TNNI3K: variants seen among roughly 807,000 people sequenced by gnomAD.
TNNI3K encodes serine/threonine-protein kinase TNNI3K.
In TNNI3K, 140 loss-of-function variants were observed where a neutral mutation model predicts 114.5. The observed-to-expected ratio is 1.22, with a 90% CI of 1.07 to 1.41. The LOEUF is 1.41. TNNI3K is among the 40% of genes most tolerant of loss of function. The pLI, the probability that TNNI3K is intolerant of heterozygous loss-of-function variation, is 0.00. For missense variants in TNNI3K, 1,125 were observed against 1,007.6 expected, an observed-to-expected ratio of 1.12 and a Z score of -1.58; for synonymous variants, 347 against 347.5, an observed-to-expected ratio of 1.00 and a Z score of 0.02.
chr1:74,303,861 T>G (rs1176343285), intron 5 of TNNI3K, among the ~76,000 whole-genome samples: 1 of 152,050 alleles, frequency 6.6e-6, no homozygotes, highest in Non-Finnish European at 1.5e-5. Flanking sequence ...TTGGCAGAAG[T>G]TGATTCCAGC....
chr1:74,248,435 C>T (rs1654725116), intron 2 of TNNI3K, among the ~76,000 whole-genome samples: 2 of 152,116 alleles, frequency 1.3e-5, no homozygotes, highest in Admixed American at 1.3e-4. Context: ...CGAGAGCGAG[C>T]GAGGGCTGCT....
chr1:74,414,986 A>T (rs1294993788), intron 17 of TNNI3K, among the ~76,000 whole-genome samples: 1 of 152,202 alleles, frequency 6.6e-6, no homozygotes, highest in African/African-American at 2.4e-5. Context: ...AATCATTTGC[A>T]ATGTAAGTCA....
intron 21 of TNNI3K, among the ~76,000 whole-genome samples, chr1:74,486,662 T>A (rs527252532): frequency 2.0e-5 from 3 of 151,890 alleles, no homozygotes; most frequent in Non-Finnish European, 2.9e-5. Context: ...TTTAAAGACA[T>A]AAGACTGAAT....
intron 5 of TNNI3K, among the ~76,000 whole-genome samples, chr1:74,310,414 A>G (rs577869044): frequency 6.6e-6 from 1 of 152,342 alleles, no homozygotes; most frequent in East Asian, 1.9e-4. Flanking sequence ...CTGCAGATTC[A>G]GTGCAATTCC....
At chr1:74,471,818 C>G (rs1667946509) in intron 21 of TNNI3K, 2 of 430,638 alleles carry the variant, frequency 4.6e-6, no homozygotes, top group African/African-American at 2.0e-5. Context: ...TGGATTTGCT[C>G]TTTCTCAGGC....
At chr1:74,534,377 T>A (rs1035136434) in intron 23 of TNNI3K, among the ~76,000 whole-genome samples, 1 of 152,210 alleles carries the variant, frequency 6.6e-6, no homozygotes, top group African/African-American at 2.4e-5. Context: ...TGGAATGCAA[T>A]TCAGTCAGAA....
intron 5 of TNNI3K, among the ~76,000 whole-genome samples, chr1:74,310,497 C>G (rs1658924447): frequency 6.6e-6 from 1 of 151,968 alleles, no homozygotes; most frequent in South Asian, 2.1e-4. Context: ...CAAAAAATAC[C>G]CTGAATAGCC....
At chr1:74,464,003 A>AGTTGACAGTATTATGATGTG (rs1553149308) in intron 21 of TNNI3K, among the ~76,000 whole-genome samples, 1 of 152,240 alleles carries the variant, frequency 6.6e-6, no homozygotes, top group Non-Finnish European at 1.5e-5. Context: ...TAACTTTCTG[A>AGTTGACAGTATTATGATGTG]GTTGACAGTA....
At chr1:74,331,397 A>C in intron 5 of TNNI3K, 53 bp from the exon 6 acceptor site, 1 of 1,568,150 alleles carries the variant, frequency 6.4e-7, no homozygotes, top group Non-Finnish European at 8.7e-7. Context: ...ACTGAATCTT[A>C]ATAGGCAGAT....
At chr1:74,501,199 T>A (rs1445356003) in intron 23 of TNNI3K, among the ~76,000 whole-genome samples, 3 of 152,216 alleles carry the variant, frequency 2.0e-5, no homozygotes, top group Admixed American at 2.0e-4. Flanking sequence ...TTCTGGGTAA[T>A]TTTTTCAGAT....
chr1:74,518,751 C>T (rs1646384878), intron 23 of TNNI3K, among the ~76,000 whole-genome samples: 1 of 151,774 alleles, frequency 6.6e-6, no homozygotes, highest in Non-Finnish European at 1.5e-5. Context: ...AATTTATTTC[C>T]ATAAGTAAAG....
chr1:74,480,748 G>A (rs1668451881), intron 21 of TNNI3K: 1 of 717,518 alleles, frequency 1.4e-6, no homozygotes, highest in African/African-American at 1.7e-5. Context: ...GAAGCTTGCT[G>A]AAGGTGTGAT....
At chr1:74,364,232 T>G (rs1405130354) in intron 11 of TNNI3K, among the ~76,000 whole-genome samples, 1 of 151,758 alleles carries the variant, frequency 6.6e-6, no homozygotes, top group African/African-American at 2.4e-5. Flanking sequence ...CTTCAACTCC[T>G]GGCCTCAAAC....
intron 17 of TNNI3K, among the ~76,000 whole-genome samples, chr1:74,387,081 A>T (rs1009699515): frequency 6.6e-6 from 1 of 152,186 alleles, no homozygotes; most frequent in African/African-American, 2.4e-5. Context: ...TACATTTAAC[A>T]GATAGTTTTT....
At chr1:74,356,493 A>T (rs1298238719) in intron 11 of TNNI3K, among the ~76,000 whole-genome samples, 1 of 152,196 alleles carries the variant, frequency 6.6e-6, no homozygotes, top group Non-Finnish European at 1.5e-5. Flanking sequence ...GCCTTACTAA[A>T]TTCTACCTCC....
chr1:74,363,234 G>T (rs548352317), intron 11 of TNNI3K, among the ~76,000 whole-genome samples: 3 of 151,964 alleles, frequency 2.0e-5, no homozygotes, highest in Non-Finnish European at 4.4e-5. Context: ...GTGGGTTTTG[G>T]GTTTCTTTCC....
intron 20 of TNNI3K, among the ~76,000 whole-genome samples, chr1:74,450,407 G>A (rs1189656008): frequency 6.6e-6 from 1 of 152,046 alleles, no homozygotes; most frequent in Non-Finnish European, 1.5e-5. Flanking sequence ...ACTAAAATCA[G>A]AGCAGAACTA....
intron 17 of TNNI3K, among the ~76,000 whole-genome samples, chr1:74,400,152 T>A (rs1209661508): frequency 1.3e-5 from 2 of 152,202 alleles, no homozygotes; most frequent in East Asian, 3.9e-4. Context: ...CCATAAACAA[T>A]CCAGCTACTC....
intron 20 of TNNI3K, among the ~76,000 whole-genome samples, chr1:74,444,597 G>A (rs1193728242): frequency 1.3e-5 from 2 of 151,988 alleles, no homozygotes; most frequent in Non-Finnish European, 2.9e-5. Context: ...CATGAAAATG[G>A]CCAGACTGCC....
Sources: gnomAD v4.1 joint callset for allele counts (sites outside exome capture counted in the v4.1 genomes callset) on GRCh38, gnomAD v4.1.1 for gene constraint, MANE v1.5 for transcripts, NCBI Gene and HGNC (gene_info 2026-07-23, HGNC 2026-07-21) for gene names.